Variants in MYO9B observed in about 807,000 individuals in gnomAD.
MYO9B encodes the protein myosin IXB.
Under a neutral mutation model 229.5 loss-of-function variants are expected in MYO9B, and 71 were observed. The observed-to-expected ratio is 0.31, with a 90% CI of 0.26 to 0.38. MYO9B has a LOEUF of 0.38. MYO9B is among the 10% of genes least tolerant of loss of function. The pLI is 1.00. For synonymous variants in MYO9B, 1,185 were observed against 1,235.8 expected (o/e 0.96, Z 0.86); for missense variants, 2,255 against 2,920.5 (o/e 0.77, Z 5.25).
intron 10 of MYO9B, among the ~76,000 whole-genome samples, chr19:17,164,685 A>T (rs1276099264): frequency 6.6e-6 from 1 of 152,170 alleles, no homozygotes; most frequent in Non-Finnish European, 1.5e-5. Flanking sequence ...CCTGGCCCTG[A>T]TGTGTCTTTT....
In MYO9B at chr19:17,200,294, T is replaced by A; in HGVS notation, c.4240T>A (p.Ser1414Thr). 2 of 1,607,256 alleles carry A rather than the reference T, an allele frequency of 1.2e-6. No homozygotes were observed. The highest frequency in any genetic ancestry group is 1.7e-6 in the Non-Finnish European group (2 of 1,178,254). Residue 1414 changes from serine to threonine, a missense_variant and splice_region_variant, in exon 25 of 40, where the codon TCC (serine) becomes ACC (threonine). By Grantham distance (58) the Ser-to-Thr change is moderately conservative (BLOSUM62 1). Around this residue, in one of 7 missense-constraint regions of MYO9B, gnomAD observed 679 missense variants for 770.2 expected, o/e 0.88. Transcript: ENST00000682292. ...LSPGSQVDSK[S>T]TFKRLFLHKT... ...GAAGCCACGTACTTTCTCCTGCAGA[T>A]CCACGTTTAAGAGGCTTTTTCTGCA... is the stretch of plus-strand genomic sequence containing the variant.
intron 14 of MYO9B, among the ~76,000 whole-genome samples, chr19:17,178,259 C>T (rs2072813058): frequency 6.6e-6 from 1 of 152,084 alleles, no homozygotes; most frequent in Non-Finnish European, 1.5e-5. Flanking sequence ...AGCACAGGGG[C>T]TGGGGTCGGG....
rs139691737 is a variant in MYO9B, at chr19:17,090,964, G to C, written c.-58-10696G>C. 1.3e-3 allele frequency among the ~76,000 whole-genome samples: 205 copies of C among 152,258 alleles called. 1 individual carries two copies. The highest frequency in any genetic ancestry group is 4.7e-3 in the African/African-American group (197 of 41,530). On this transcript the variant is annotated intron_variant, in intron 1 of 39. Transcript: ENST00000682292. The stretch of plus-strand genomic sequence containing the variant: ...CTTGGGGCAGGGATCTTAAGCCACA[G>C]TAAGACTAATTTCCAGGTCCCAGGT...
At chr19:17,191,367 A>T in intron 20 of MYO9B, 148 bp downstream of exon 20, 1 of 1,119,954 alleles carries the variant, frequency 8.9e-7, no homozygotes, top group Non-Finnish European at 1.2e-6. Context: ...AGAGCACTGC[A>T]CCTAAGGGAT....
chr19:17,124,241 C>T (rs1443685722), intron 2 of MYO9B, among the ~76,000 whole-genome samples: 1 of 152,006 alleles, frequency 6.6e-6, no homozygotes, highest in Non-Finnish European at 1.5e-5. Context: ...ACTTGTAATC[C>T]CAGCTGTTGA....
At chr19:17,077,975 G>A (rs1333223733) in intron 1 of MYO9B, among the ~76,000 whole-genome samples, 2 of 152,196 alleles carry the variant, frequency 1.3e-5, no homozygotes, top group Non-Finnish European at 2.9e-5. Context: ...GGTCCAGTCT[G>A]GTGACTCAGT....
chr19:17,092,975 T>C (rs1029007953), intron 1 of MYO9B, among the ~76,000 whole-genome samples: 1 of 152,142 alleles, frequency 6.6e-6, no homozygotes, highest in Non-Finnish European at 1.5e-5. Context: ...TTCCTCTGTG[T>C]ACATGCAAGC....
intron 2 of MYO9B, among the ~76,000 whole-genome samples, chr19:17,112,450 C>G (rs62127867): frequency 6.6e-6 from 1 of 152,100 alleles, no homozygotes; most frequent in Admixed American, 6.5e-5. Context: ...GCGGACGGGC[C>G]GGCTGGCGGG....
At chr19:17,209,545 G>T in intron 35 of MYO9B, 41 bp from the exon 36 acceptor site, 1 of 1,554,378 alleles carries the variant, frequency 6.4e-7, no homozygotes. Flanking sequence ...CGTCCCCGGG[G>T]CGGTAACTGA....
chr19:17,166,030 A>G (rs1288133261), intron 10 of MYO9B, among the ~76,000 whole-genome samples: 1 of 151,872 alleles, frequency 6.6e-6, no homozygotes, highest in Non-Finnish European at 1.5e-5. Context: ...CAACCTCTAA[A>G]TGATTTTAAG....
chr19:17,084,478 G>C (rs902067659), intron 1 of MYO9B, among the ~76,000 whole-genome samples: 1 of 152,048 alleles, frequency 6.6e-6, no homozygotes, highest in Non-Finnish European at 1.5e-5. Context: ...CCCTCTCTGT[G>C]GTGGGACCCT....
chr19:17,106,278 C>T lies in MYO9B; in HGVS notation c.840+3721C>T, dbSNP rs534620262. Among the ~76,000 whole-genome samples the T allele has an allele frequency of 2.5e-4, 38 of 152,298 alleles. 1 individual carries two copies. The South Asian group carries it at 7.7e-3, about 31-fold the overall frequency. ...TTTTTAATATGGCTTGTCTTGTGTG[C>T]ATTACATTATATACCCAGACCGCCC... On this transcript the variant is annotated intron_variant, in intron 2 of 39. Coordinates refer to ENST00000682292, the MANE Select transcript of MYO9B (RefSeq NM_004145.4).
At chr19:17,187,584 A>ATTTT (rs1171667298) in intron 18 of MYO9B, among the ~76,000 whole-genome samples, 4 of 148,588 alleles carry the variant, frequency 2.7e-5, no homozygotes, top group African/African-American at 1.0e-4. Flanking sequence ...TTTTTTTTAA[A>ATTTT]AAATAAATTT....
intron 17 of MYO9B, 90 bp downstream of exon 17, chr19:17,185,077 G>C: frequency 5.1e-6 from 8 of 1,579,266 alleles, no homozygotes; most frequent in Non-Finnish European, 6.9e-6. Context: ...CCCGTCTCTA[G>C]TAAAAATACA....
chr19:17,100,153 A>T (rs1275930768), intron 1 of MYO9B, among the ~76,000 whole-genome samples: 1 of 149,760 alleles, frequency 6.7e-6, no homozygotes, highest in Admixed American at 6.7e-5. Flanking sequence ...CTTCACCACT[A>T]CACGATATAT....
chr19:17,172,722 T>TA lies in MYO9B; in HGVS notation c.1936-36dup. On this transcript the variant is annotated intron_variant, in intron 12 of 39. Coordinates refer to ENST00000682292, the MANE Select transcript of MYO9B (RefSeq NM_004145.4). The surrounding 1 kb of genome is among the most constrained non-coding windows in gnomAD (Gnocchi z 8.2). ...TCTTTGGTAGGCGCCGGTGAGTGAC[T>TA]ATCCCCGAGTGACCGCCCACATCCA... The TA allele has an allele frequency of 6.2e-7, 1 of 1,604,194 alleles. No individual in the cohort carries two copies. Among genetic ancestry groups the TA allele is most frequent in the Non-Finnish European group, 8.5e-7 (1 of 1,172,016 alleles).
Position 17,207,353 on chromosome 19 carries a change from C to T in MYO9B, c.5624+109C>T, listed in dbSNP as rs114684913. 2,417 of 1,419,080 alleles carry T rather than the reference C, an allele frequency of 1.7e-3. 21 individuals are homozygous for T. The African/African-American group carries it at 0.029, about 17-fold the overall frequency. The allele number at this position is 1,419,080 out of a possible 1,614,324, so 87.9% of individuals were successfully genotyped here. A position where few individuals can be genotyped will look rare whatever the true frequency, so the allele number is the denominator to read the frequency against. On this transcript the variant is annotated intron_variant, in intron 35 of 39. Coordinates refer to ENST00000682292, the MANE Select transcript of MYO9B (RefSeq NM_004145.4). ...TAAATGTGTAAGAAAAGTCCAGAGC[C>T]GAGTGCAGCGGTTCACACCTGTAAT...
At chr19:17,188,931 T>G (rs1007924343) in intron 19 of MYO9B, among the ~76,000 whole-genome samples, 1 of 151,058 alleles carries the variant, frequency 6.6e-6, no homozygotes, top group African/African-American at 2.4e-5. Flanking sequence ...GTGGATCACT[T>G]GAGATCAGGA....
In MYO9B at chr19:17,211,945, C is replaced by CA; in HGVS notation, c.6109_6110insA (p.Leu2037HisfsTer163). On this transcript the variant is annotated frameshift_variant, in exon 40 of 40. Coordinates refer to ENST00000682292, the MANE Select transcript of MYO9B (RefSeq NM_004145.4). LOFTEE classifies it low-confidence loss of function (END_TRUNC). ...CCCCGGCGCGCCCACCCCGAGCCCC[C>CA]TCCCCACCGTGGCCGCCCCTCCACG... is the stretch of plus-strand genomic sequence containing the variant. 6.4e-7 allele frequency: 1 copy of CA among 1,559,256 alleles called. No homozygotes were observed. The highest frequency in any genetic ancestry group is 8.7e-7 in the Non-Finnish European group (1 of 1,152,308).
Sources: gnomAD v4.1 joint callset for allele counts (sites outside exome capture counted in the v4.1 genomes callset) on GRCh38, gnomAD v4.1.1 for gene constraint, gnomAD v4.1.1 regional missense constraint, Gnocchi (gnomAD v3.1) non-coding constraint, MANE v1.5 for transcripts, NCBI Gene and HGNC (gene_info 2026-07-23, HGNC 2026-07-21) for gene names.